ATP2B2: variants seen among roughly 807,000 people sequenced by gnomAD.
The protein encoded by ATP2B2 is ATPase plasma membrane Ca2+ transporting 2, also known as plasma membrane calcium-transporting ATPase 2.
A neutral mutation model predicts 120.0 loss-of-function variants in ATP2B2; 15 were observed. That is an observed-to-expected ratio of 0.12 (90% CI 0.08 to 0.19). The LOEUF is 0.19. Among genes scored for constraint, ATP2B2 ranks in the 10% least tolerant of loss-of-function variants. The probability of loss-of-function intolerance (pLI) is 1.00; values close to 1 mark genes in which losing one functional copy is unlikely to be tolerated. For synonymous variants in ATP2B2, 694 were observed against 700.3 expected (o/e 0.99, Z 0.14); for missense variants, 1,045 against 1,719.8 (o/e 0.61, Z 6.94).
At chr3:10,377,598 T>C (rs1270734066) in intron 10 of ATP2B2, among the ~76,000 whole-genome samples, 2 of 152,176 alleles carry the variant, frequency 1.3e-5, no homozygotes, top group Non-Finnish European at 2.9e-5. Flanking sequence ...TCACCTGCAG[T>C]TACCACTTTA....
chr3:10,613,089 G>A lies in ATP2B2; in HGVS notation c.-415+6828C>T, dbSNP rs537595394. Among the ~76,000 whole-genome samples the A allele has an allele frequency of 2.0e-5, 3 of 152,284 alleles. No homozygotes were observed. The South Asian group carries it at 6.2e-4, about 32-fold the overall frequency. ...GTTCAGTCTCATGGCTGATGATTCA[G>A]TCAATCATGTCTATGTGATGAGGCT... On this transcript the variant is annotated intron_variant, in intron 2 of 21. Transcript: ENST00000646379.
chr3:10,557,422 GT>G (rs2067805829), intron 2 of ATP2B2, among the ~76,000 whole-genome samples: 1 of 152,224 alleles, frequency 6.6e-6, no homozygotes, highest in Non-Finnish European at 1.5e-5. Flanking sequence ...TTCCCAGGGA[GT>G]TTGTGCCCCT....
chr3:10,589,493 C>T (rs2068592185), intron 2 of ATP2B2, among the ~76,000 whole-genome samples: 2 of 152,162 alleles, frequency 1.3e-5, no homozygotes, highest in African/African-American at 2.4e-5. Context: ...CGCTGCGATG[C>T]AAGTATATGT....
At chr3:10,587,012 A>G (rs17033131) in intron 2 of ATP2B2, among the ~76,000 whole-genome samples, 19,528 of 152,128 alleles carry the variant, frequency 0.13, 2,622 homozygotes, top group African/African-American at 0.34. Context: ...CAGATAATCT[A>G]TTGTGTTATA....
rs2059898331 is a variant in ATP2B2 at position 10,328,435 on chromosome 3, C to T, written c.*379G>A. The T allele has an allele frequency of 9.7e-6, 2 of 206,256 alleles. No individual in the cohort carries two copies. The highest frequency in any genetic ancestry group is 4.7e-5 in the African/African-American group (2 of 42,818). 12.8% of individuals were successfully genotyped at this position (206,256 alleles called of 1,614,324 possible). A position where few individuals can be genotyped will look rare whatever the true frequency, so the allele number is the denominator to read the frequency against. On this transcript the variant is annotated 3_prime_UTR_variant, in exon 23 of 23. Transcript: ENST00000360273. ...AACAAACAAACAAACAAAAACCCCT[C>T]CCCAACCCCCAAAAACCAAACAAGG...
chr3:10,492,209 CG>C (rs765947144), intron 1 of ATP2B2, among the ~76,000 whole-genome samples: 216 of 147,544 alleles, frequency 1.5e-3, no homozygotes, highest in Non-Finnish European at 2.6e-3. Flanking sequence ...CTGGCTTCTC[CG>C]GGGTGCTCTG....
chr3:10,429,806 CT>C (rs2063257580), intron 2 of ATP2B2, among the ~76,000 whole-genome samples: 1 of 152,138 alleles, frequency 6.6e-6, no homozygotes. Context: ...AGGAAAAGTT[CT>C]AGAAGGAAAT....
rs1375987200 is a variant in ATP2B2 at position 10,326,313 on chromosome 3, A to G, written c.*2501T>C. 1.2e-5 allele frequency: 2 copies of G among 162,130 alleles called. No individual in the cohort carries two copies. 10.0% of individuals were successfully genotyped at this position (162,130 alleles called of 1,614,324 possible). On this transcript the variant is annotated 3_prime_UTR_variant, in exon 23 of 23. Coordinates refer to ENST00000360273, the MANE Select transcript of ATP2B2 (RefSeq NM_001001331.4). ...TGAGAGTGAGGGGGTGCATGTGTGC[A>G]AGCATCCTTCATTCCTGACAAGAGA...
At chr3:10,573,151 A>ATTT (rs61701156) in intron 2 of ATP2B2, among the ~76,000 whole-genome samples, 6 of 146,350 alleles carry the variant, frequency 4.1e-5, no homozygotes, top group Non-Finnish European at 9.0e-5. Flanking sequence ...AGCCAAATAC[A>ATTT]TTTTTTTTTT....
intron 2 of ATP2B2, among the ~76,000 whole-genome samples, chr3:10,609,538 A>G (rs1220804859): frequency 1.3e-5 from 2 of 152,170 alleles, no homozygotes; most frequent in African/African-American, 4.8e-5. Context: ...GTTGGATGGT[A>G]AAGCACTTGC....
chr3:10,549,246 C>T (rs1008906356), intron 2 of ATP2B2, among the ~76,000 whole-genome samples: 13 of 152,134 alleles, frequency 8.5e-5, no homozygotes, highest in African/African-American at 3.1e-4. Flanking sequence ...TCCTCAGTGG[C>T]CCCCTTCCCT....
upstream of ATP2B2, among the ~76,000 whole-genome samples, chr3:10,509,575 AG>A (rs148418106): frequency 3.9e-3 from 601 of 152,322 alleles, 2 homozygotes; most frequent in African/African-American, 0.014. Flanking sequence ...AGCAAGATTG[AG>A]GGTCCCACTC....
chr3:10,435,010 T>C (rs1229959351), intron 2 of ATP2B2, among the ~76,000 whole-genome samples: 1 of 152,214 alleles, frequency 6.6e-6, no homozygotes, highest in African/African-American at 2.4e-5. Context: ...GGAAGAGAGT[T>C]CTAGGAATGA....
chr3:10,431,461 G>C (rs2063312474), intron 2 of ATP2B2, among the ~76,000 whole-genome samples: 1 of 152,186 alleles, frequency 6.6e-6, no homozygotes, highest in South Asian at 2.1e-4. Context: ...GCAAAAAAAT[G>C]ACGACTTGCT....
intron 1 of ATP2B2, among the ~76,000 whole-genome samples, chr3:10,677,866 C>T (rs1445160645): frequency 6.6e-6 from 1 of 152,160 alleles, no homozygotes; most frequent in Admixed American, 6.5e-5. Context: ...AGCTTTCGAG[C>T]CATAAAGCTC....
chr3:10,665,797 C>T (rs2070915263), intron 1 of ATP2B2, among the ~76,000 whole-genome samples: 1 of 152,142 alleles, frequency 6.6e-6, no homozygotes, highest in South Asian at 2.1e-4. Flanking sequence ...CCGCCTCCAG[C>T]AGGGGATAAG....
At chr3:10,685,498 G>C (rs923383201) in intron 1 of ATP2B2, among the ~76,000 whole-genome samples, 1 of 123,318 alleles carries the variant, frequency 8.1e-6, no homozygotes, top group Admixed American at 8.6e-5. Flanking sequence ...TCACTTGCCT[G>C]AGAGAGAGAG....
intron 1 of ATP2B2, among the ~76,000 whole-genome samples, chr3:10,634,422 C>T (rs1485442494): frequency 2.0e-5 from 3 of 152,196 alleles, no homozygotes; most frequent in African/African-American, 4.8e-5. Flanking sequence ...GAGACATCCC[C>T]AGGGGTGGCC....
intron 2 of ATP2B2, among the ~76,000 whole-genome samples, chr3:10,433,413 G>T (rs1575210373): frequency 6.6e-6 from 1 of 152,136 alleles, no homozygotes; most frequent in African/African-American, 2.4e-5. Flanking sequence ...CTGATACTGT[G>T]ATTTCTCCAA....
Sources: allele counts gnomAD v4.1 joint callset (sites outside exome capture counted in the v4.1 genomes callset), GRCh38; gene constraint gnomAD v4.1.1; transcripts MANE v1.5; gene names NCBI Gene and HGNC (gene_info 2026-07-23, HGNC 2026-07-21).